CD2AP: variants seen among roughly 807,000 people sequenced by gnomAD.
CD2AP encodes the protein CD2 associated protein.
In CD2AP, 46 loss-of-function variants were observed where a neutral mutation model predicts 85.1. That is an observed-to-expected ratio of 0.54 (90% confidence interval 0.43 to 0.69). The LOEUF (loss-of-function observed/expected upper bound fraction) is 0.69. CD2AP is among the 30% of genes least tolerant of loss of function. The pLI, the probability that CD2AP is intolerant of heterozygous loss-of-function variation, is 0.00. For synonymous variants in CD2AP, 255 were observed against 252.9 expected (o/e 1.01, Z -0.08); for missense variants, 769 against 729.5 (o/e 1.05, Z -0.62).
intron 17 of CD2AP, among the ~76,000 whole-genome samples, chr6:47,616,972 T>A (rs367934990): frequency 2.8e-4 from 43 of 152,234 alleles, no homozygotes; most frequent in African/African-American, 9.9e-4. Context: ...TTTACTTTTT[T>A]AATTTTGTTT....
chr6:47,484,041 G>A (rs1765508393), intron 1 of CD2AP, among the ~76,000 whole-genome samples: 1 of 152,088 alleles, frequency 6.6e-6, no homozygotes, highest in Non-Finnish European at 1.5e-5. Flanking sequence ...CTAGTTATTA[G>A]AAAGACCTTT....
At chr6:47,498,677 C>T (rs547604326) in intron 1 of CD2AP, among the ~76,000 whole-genome samples, 61 of 152,272 alleles carry the variant, frequency 4.0e-4, no homozygotes, top group African/African-American at 1.4e-3. Flanking sequence ...AAGACATAAA[C>T]TTTAAAAACT....
chr6:47,591,425 A>C (rs977227504), intron 11 of CD2AP, among the ~76,000 whole-genome samples: 1 of 152,174 alleles, frequency 6.6e-6, no homozygotes, highest in Admixed American at 6.5e-5. Context: ...AATACGAATA[A>C]ATATATTTTG....
chr6:47,615,415 G>C (rs1769549999), intron 17 of CD2AP, among the ~76,000 whole-genome samples: 1 of 152,116 alleles, frequency 6.6e-6, no homozygotes, highest in African/African-American at 2.4e-5. Context: ...GGTTCTACAG[G>C]CTGTATAGGA....
At chr6:47,541,536 T>G (rs1767216614) in intron 3 of CD2AP, among the ~76,000 whole-genome samples, 1 of 152,224 alleles carries the variant, frequency 6.6e-6, no homozygotes, top group Non-Finnish European at 1.5e-5. Flanking sequence ...ACTTTCTTAT[T>G]TGGAGACTCA....
chr6:47,565,753 A>G (rs559835465), intron 5 of CD2AP, among the ~76,000 whole-genome samples: 1 of 152,006 alleles, frequency 6.6e-6, no homozygotes, highest in Non-Finnish European at 1.5e-5. Context: ...TCTTTTTACC[A>G]CCTTCACTGC....
At chr6:47,603,353 T>C (rs9381580) in intron 13 of CD2AP, among the ~76,000 whole-genome samples, 50,561 of 151,882 alleles carry the variant, frequency 0.33, 9,291 homozygotes, top group Middle Eastern at 0.52. Context: ...CTTTTCATCG[T>C]TGTAATTTCT....
chr6:47,577,887 T>A (rs1366074731), intron 8 of CD2AP, among the ~76,000 whole-genome samples: 1 of 152,166 alleles, frequency 6.6e-6, no homozygotes, highest in Non-Finnish European at 1.5e-5. Flanking sequence ...CCCATTGTTT[T>A]ACACTGACTT....
rs1582526697 is a variant in CD2AP, at chr6:47,534,770, A to G, written c.319+1015A>G. ...GAGCACATAGCAAATGTTTTAACAC[A>G]GTAAAACCAGAAGACCCTTCAGAGA... is the stretch of plus-strand genomic sequence containing the variant. On this transcript the variant is annotated intron_variant, in intron 3 of 17. Transcript: ENST00000359314. Among the ~76,000 whole-genome samples the G allele has an allele frequency of 2.0e-5, 3 of 152,214 alleles. No homozygotes were observed. In the East Asian group the frequency reaches 5.8e-4, roughly 30 times the overall value.
At chr6:47,577,202 G>A in intron 8 of CD2AP, 99 bp downstream of exon 8, 1 of 721,462 alleles carries the variant, frequency 1.4e-6, no homozygotes, top group Non-Finnish European at 2.5e-6. Context: ...TATTCACCCT[G>A]GAATCTAGAA....
intron 1 of CD2AP, among the ~76,000 whole-genome samples, chr6:47,497,541 G>C (rs1765897695): frequency 6.6e-6 from 1 of 151,974 alleles, no homozygotes; most frequent in South Asian, 2.1e-4. Flanking sequence ...TTCCCCAGTA[G>C]TTGGGACTGT....
intron 1 of CD2AP, among the ~76,000 whole-genome samples, chr6:47,481,047 G>T (rs1340504699): frequency 6.6e-6 from 1 of 152,184 alleles, no homozygotes; most frequent in Non-Finnish European, 1.5e-5. Context: ...GAGGTATTCT[G>T]TGTGAAAGAA....
At chr6:47,513,143 C>CTTTTTTTTTTTTTTTTTTTT (rs34297362) in intron 2 of CD2AP, among the ~76,000 whole-genome samples, 1 of 136,356 alleles carries the variant, frequency 7.3e-6, no homozygotes. Context: ...ATCTGAATAC[C>CTTTTTTTTTTTTTTTTTTTT]TTTTTTTTTT....
At chr6:47,596,823 G>A (rs866137545) in intron 12 of CD2AP, among the ~76,000 whole-genome samples, 21 of 151,896 alleles carry the variant, frequency 1.4e-4, no homozygotes, top group Non-Finnish European at 2.4e-4. Flanking sequence ...TTAATTTCTC[G>A]AGGGACCTTT....
intron 4 of CD2AP, among the ~76,000 whole-genome samples, chr6:47,551,576 C>T (rs1767525976): frequency 6.6e-6 from 1 of 152,148 alleles, no homozygotes. Flanking sequence ...TAGGAAGAGA[C>T]TAAATCAAGG....
At chr6:47,553,423 T>C (rs986483272) in intron 4 of CD2AP, among the ~76,000 whole-genome samples, 4 of 151,180 alleles carry the variant, frequency 2.6e-5, no homozygotes, top group Non-Finnish European at 5.9e-5. Flanking sequence ...CTCAGCTCAC[T>C]GCAACCTCCG....
intron 5 of CD2AP, among the ~76,000 whole-genome samples, chr6:47,565,051 A>G (rs1419045200): frequency 6.6e-6 from 1 of 152,060 alleles, no homozygotes; most frequent in African/African-American, 2.4e-5. Context: ...ATTACTTGCT[A>G]AGTAGATAAT....
chr6:47,556,139 C>T lies in CD2AP; in HGVS notation c.541+1373C>T, dbSNP rs188169186. ...GTTTGTTACATAGGTATACATGTGCCATGGTGGTTTGCACCTATCAACCCG... is the reference window on the plus strand; with the variant it reads ...GTTTGTTACATAGGTATACATGTGCTATGGTGGTTTGCACCTATCAACCCG... On this transcript the variant is annotated intron_variant, in intron 5 of 17. Transcript: ENST00000359314. 2.4e-3 allele frequency among the ~76,000 whole-genome samples: 359 copies of T among 150,380 alleles called. 1 individual carries two copies. The highest frequency in any genetic ancestry group is 8.1e-3 in the African/African-American group (332 of 40,832).
chr6:47,489,683 A>G (rs1055772986), intron 1 of CD2AP, among the ~76,000 whole-genome samples: 1 of 152,208 alleles, frequency 6.6e-6, no homozygotes. Context: ...TAGTCTTCCC[A>G]TTCTTCAGGT....
Sources: allele counts gnomAD v4.1 joint callset (sites outside exome capture counted in the v4.1 genomes callset), GRCh38; gene constraint gnomAD v4.1.1; transcripts MANE v1.5; gene names NCBI Gene and HGNC (gene_info 2026-07-23, HGNC 2026-07-21).